Variants in MINPP1 observed in about 807,000 individuals in gnomAD.
The protein encoded by MINPP1 is multiple inositol-polyphosphate phosphatase 1.
A neutral mutation model predicts 46.1 loss-of-function variants in MINPP1; 28 were observed. That is an observed-to-expected ratio of 0.61 (90% CI 0.45 to 0.83). The LOEUF (loss-of-function observed/expected upper bound fraction) is 0.83. Ranked by LOEUF, MINPP1 falls within the 40% of genes least tolerant of loss-of-function variation. The pLI is 0.00. For synonymous variants in MINPP1, 268 were observed against 249.1 expected (o/e 1.08, Z -0.72); for missense variants, 603 against 610.0 (o/e 0.99, Z 0.12).
rs1342695389 is a variant in MINPP1, at chr10:87,505,869, C to G, written c.637+317C>G. Among the ~76,000 whole-genome samples the G allele has an allele frequency of 1.3e-5, 2 of 152,158 alleles. No homozygotes were observed. Among genetic ancestry groups the G allele is most frequent in the Non-Finnish European group, 2.9e-5 (2 of 68,024 alleles). ...GAGGTCTCCCGCAATTTTTGCGCTC[C>G]CGTTCCCAAACTGAATTGCCCCTTC... On this transcript the variant is annotated intron_variant, in intron 1 of 4. Transcript: ENST00000371996. This position sits in a 1 kb window ranked among gnomAD's most constrained non-coding sequence, Gnocchi z 4.4.
chr10:87,548,223 A>G (rs966402931), intron 4 of MINPP1, among the ~76,000 whole-genome samples: 2 of 152,168 alleles, frequency 1.3e-5, no homozygotes, highest in Non-Finnish European at 2.9e-5. Flanking sequence ...CCTTAGTCAC[A>G]AGGATTTGTT....
At chr10:87,522,956 A>G (rs1851523643) in intron 4 of MINPP1, among the ~76,000 whole-genome samples, 1 of 152,216 alleles carries the variant, frequency 6.6e-6, no homozygotes, top group South Asian at 2.1e-4. Context: ...TATTCATAGT[A>G]TCTTCACCAG....
intron 4 of MINPP1, among the ~76,000 whole-genome samples, chr10:87,524,128 G>A (rs1851541591): frequency 6.6e-6 from 1 of 152,192 alleles, no homozygotes; most frequent in Admixed American, 6.5e-5. Flanking sequence ...TCCAAAAGAA[G>A]GCTGTTTTGT....
At chr10:87,519,366 T>C (rs7896327) in intron 3 of MINPP1, among the ~76,000 whole-genome samples, 1 of 152,012 alleles carries the variant, frequency 6.6e-6, no homozygotes, top group Admixed American at 6.5e-5. Context: ...AGGAGTGGTC[T>C]TGGCAAATTT....
intron 4 of MINPP1, among the ~76,000 whole-genome samples, chr10:87,528,105 T>C (rs1247596071): frequency 6.6e-6 from 1 of 152,198 alleles, no homozygotes; most frequent in Non-Finnish European, 1.5e-5. Flanking sequence ...CTTTTCTTCT[T>C]TATTAGTCTT....
intron 2 of MINPP1, 67 bp downstream of exon 2, chr10:87,508,600 A>G (rs1851290206): frequency 7.0e-7 from 1 of 1,422,032 alleles, no homozygotes; most frequent in Non-Finnish European, 9.9e-7. Flanking sequence ...GAAAATGAAA[A>G]CATAAGGAAA....
At chr10:87,528,060 T>C (rs1446742906) in intron 4 of MINPP1, among the ~76,000 whole-genome samples, 1 of 152,046 alleles carries the variant, frequency 6.6e-6, no homozygotes, top group Non-Finnish European at 1.5e-5. Flanking sequence ...ATATCCCCTT[T>C]ATCATTTTTT....
chr10:87,552,570 T>C lies in MINPP1; in HGVS notation c.*92T>C. ...GGCAATTCCTTGATTACAGGAAGCTTTTATATTACTTGAGTATTTCTGTCT... is the reference window on the plus strand; with the variant it reads ...GGCAATTCCTTGATTACAGGAAGCTCTTATATTACTTGAGTATTTCTGTCT... On this transcript the variant is annotated 3_prime_UTR_variant, in exon 5 of 5. Coordinates refer to ENST00000371996, the MANE Select transcript of MINPP1 (RefSeq NM_004897.5). 1 of 1,240,106 alleles carries C rather than the reference T, an allele frequency of 8.1e-7. No individual in the cohort carries two copies. The highest frequency in any genetic ancestry group is 1.2e-6 in the Non-Finnish European group (1 of 861,374). The allele number at this position is 1,240,106 out of a possible 1,614,324, so 76.8% of individuals were successfully genotyped here.
At chr10:87,511,053 C>T (rs752137850) in intron 2 of MINPP1, among the ~76,000 whole-genome samples, 2 of 152,126 alleles carry the variant, frequency 1.3e-5, no homozygotes, top group African/African-American at 2.4e-5. Context: ...AACATATTTT[C>T]ATGTTTAGTA....
chr10:87,516,232 C>T lies in MINPP1; in HGVS notation c.933+3011C>T, dbSNP rs781153979. On this transcript the variant is annotated intron_variant, in intron 3 of 4. Transcript: ENST00000371996. Reference sequence around the variant, plus strand: ...CTTCAGCAAGCATTTTTTGAGTTTCCGTTCTGTGACAAGCACTTGCTTGGA... The same window carrying T: ...CTTCAGCAAGCATTTTTTGAGTTTCTGTTCTGTGACAAGCACTTGCTTGGA... 1.3e-4 allele frequency among the ~76,000 whole-genome samples: 13 copies of T among 103,864 alleles called. 4 individuals are homozygous for T. The highest frequency in any genetic ancestry group is 6.9e-4 in the East Asian group (3 of 4,324). 68.1% of individuals were successfully genotyped at this position (103,864 alleles called of 152,430 possible).
chr10:87,505,690 T>A lies in MINPP1; in HGVS notation c.637+138T>A. The A allele has an allele frequency of 2.6e-6, 2 of 776,208 alleles. No individual in the cohort carries two copies. The highest frequency in any genetic ancestry group is 2.6e-5 in the Admixed American group (1 of 37,822). The allele number at this position is 776,208 out of a possible 1,614,324, so 48.1% of individuals were successfully genotyped here. A position where few individuals can be genotyped will look rare whatever the true frequency, so the allele number is the denominator to read the frequency against. ...TTTCCCAAGCCATCATCCCTCGGGC[T>A]ACGTCCTCCCTGTCGAGGGATATTA... On this transcript the variant is annotated intron_variant, in intron 1 of 4. Transcript: ENST00000371996. The surrounding 1 kb of genome is among the most constrained non-coding windows in gnomAD (Gnocchi z 4.4).
intron 4 of MINPP1, among the ~76,000 whole-genome samples, chr10:87,537,541 G>GTGTGTT (rs1851755303): frequency 6.6e-6 from 1 of 151,280 alleles, no homozygotes; most frequent in African/African-American, 2.4e-5. Flanking sequence ...GTGTGTGTGT[G>GTGTGTT]TGTGTGTGTT....
rs186702636 is a variant in MINPP1 at position 87,517,727 on chromosome 10, A to G, written c.934-3309A>G. On this transcript the variant is annotated intron_variant, in intron 3 of 4. Transcript: ENST00000371996. ...TGTATATGTTTATTGGGGTACAGGT[A>G]TACCTGTTTCTGAAGGTGTATGTCT... Among the ~76,000 whole-genome samples, 19 of 152,300 alleles carry G rather than the reference A, an allele frequency of 1.2e-4. No individual in the cohort carries two copies. In the East Asian group the frequency reaches 2.5e-3, roughly 20 times the overall value.
At position 87,552,189 on chromosome 10, in the gene MINPP1, C is replaced by T; in HGVS notation, c.1175C>T (p.Ala392Val). ...GYFKDKEPLT[A>V]YNYKKQMHRK... is the part of the protein sequence containing the mutation. ...TTCAAAGACAAGGAACCCCTAACAG[C>T]GTACAATTACAAAAAACAAATGCAT... The change falls in exon 5 of 5, where the codon GCG (alanine) becomes GTG (valine). Residue 392 changes from alanine to valine, a missense_variant. Physicochemically the swap from Ala to Val is moderately conservative, Grantham distance 64. Around this residue, in one of 3 missense-constraint regions of MINPP1, gnomAD observed 344 missense variants for 381.1 expected, o/e 0.90. Transcript: ENST00000371996. The T allele has an allele frequency of 1.9e-6, 3 of 1,613,732 alleles. No homozygotes were observed. Among genetic ancestry groups the T allele is most frequent in the Admixed American group, 1.7e-5 (1 of 59,926 alleles).
In MINPP1 at chr10:87,504,932, G is replaced by A; in HGVS notation, c.17G>A (p.Gly6Asp). MLRAP[G>D]CLLRTSVAPA... is the part of the protein sequence containing the mutation. ...GTCCCGACGATGCTACGCGCGCCCG[G>A]CTGCCTCCTCCGGACCTCCGTAGCG... Residue 6 changes from glycine to aspartate, a missense_variant, in exon 1 of 5, where the codon GGC (glycine) becomes GAC (aspartate). Transcript: ENST00000371996. The A allele has an allele frequency of 1.2e-6, 2 of 1,610,842 alleles. No homozygotes were observed. The highest frequency in any genetic ancestry group is 2.2e-5 in the East Asian group (1 of 44,842).
At chr10:87,523,122 A>G (rs1283505195) in intron 4 of MINPP1, among the ~76,000 whole-genome samples, 2 of 152,102 alleles carry the variant, frequency 1.3e-5, no homozygotes, top group South Asian at 2.1e-4. Context: ...GCTACTTCCT[A>G]TCATCCATGA....
chr10:87,543,544 A>G (rs1851846521), intron 4 of MINPP1, among the ~76,000 whole-genome samples: 1 of 152,104 alleles, frequency 6.6e-6, no homozygotes, highest in South Asian at 2.1e-4. Context: ...AGTCCCAGCT[A>G]CTCAGGGGCA....
chr10:87,535,548 T>A (rs61853078), intron 4 of MINPP1, among the ~76,000 whole-genome samples: 2,288 of 152,158 alleles, frequency 0.015, 27 homozygotes, highest in Middle Eastern at 0.048. Flanking sequence ...TGGTTTGAGT[T>A]AGACAGTGTT....
intron 1 of MINPP1, among the ~76,000 whole-genome samples, chr10:87,506,534 A>G (rs1851254038): frequency 6.6e-6 from 1 of 152,216 alleles, no homozygotes; most frequent in African/African-American, 2.4e-5. Flanking sequence ...GAACACATTA[A>G]ATAATTTGCC....
Sources: gnomAD v4.1 joint callset for allele counts (sites outside exome capture counted in the v4.1 genomes callset) on GRCh38, gnomAD v4.1.1 for gene constraint, gnomAD v4.1.1 regional missense constraint, Gnocchi (gnomAD v3.1) non-coding constraint, MANE v1.5 for transcripts, NCBI Gene and HGNC (gene_info 2026-07-23, HGNC 2026-07-21) for gene names.